Variants in MGST1 observed in about 807,000 individuals in gnomAD.
MGST1 encodes the protein microsomal glutathione S-transferase 1, also known as glutathione S-transferase 12.
MGST1 carries 5 observed loss-of-function variants against 8.9 expected under a neutral mutation model. That is an observed-to-expected ratio of 0.56 (90% CI 0.29 to 1.19). The LOEUF (loss-of-function observed/expected upper bound fraction) is 1.19, where lower values mean the gene tolerates loss of function less well. MGST1 is among the 50% of genes most tolerant of loss of function. The pLI, the probability that MGST1 is intolerant of heterozygous loss-of-function variation, is 0.08. For missense variants in MGST1, 182 were observed against 187.4 expected, an observed-to-expected ratio of 0.97 and a Z score of 0.17; for synonymous variants, 54 against 67.8, an observed-to-expected ratio of 0.80 and a Z score of 1.00.
intron 4 of MGST1, among the ~76,000 whole-genome samples, chr12:16,508,295 A>T (rs1426650089): frequency 6.6e-6 from 1 of 152,180 alleles, no homozygotes; most frequent in African/African-American, 2.4e-5. Context: ...GCTCAAAAAG[A>T]ACTCCTCTTT....
At chr12:16,367,822 G>A (rs754570409), downstream of MGST1, among the ~76,000 whole-genome samples, 6 of 152,118 alleles carry the variant, frequency 3.9e-5, no homozygotes, top group Non-Finnish European at 8.8e-5. Context: ...TCTGCAATTG[G>A]GACTAGCAAG....
chr12:16,400,831 G>A, intron 1 of MGST1: 5 of 1,220,274 alleles, frequency 4.1e-6, no homozygotes, highest in Middle Eastern at 1.9e-4. Context: ...ATTTCTTATC[G>A]ATGTAGATCT....
At chr12:16,438,301 T>C (rs1283317095) in exon 2 of MGST1, 1 of 151,830 alleles carries the variant, frequency 6.6e-6, no homozygotes, top group East Asian at 1.9e-4. Flanking sequence ...CAATGAAAAA[T>C]GCAACCCTCA....
chr12:16,356,314 T>C (rs1939710499), intron 2 of MGST1, among the ~76,000 whole-genome samples: 1 of 152,178 alleles, frequency 6.6e-6, no homozygotes, highest in Non-Finnish European at 1.5e-5. Flanking sequence ...TACATTTATT[T>C]CTTTATTCAA....
chr12:16,588,282 T>G (rs1268791334), intron 4 of MGST1, among the ~76,000 whole-genome samples: 1 of 152,002 alleles, frequency 6.6e-6, no homozygotes, highest in Non-Finnish European at 1.5e-5. Context: ...TGCACTCAAA[T>G]TTCTTTAAGA....
At chr12:16,462,608 A>C (rs1403044092) in intron 4 of MGST1, among the ~76,000 whole-genome samples, 1 of 152,200 alleles carries the variant, frequency 6.6e-6, no homozygotes, top group African/African-American at 2.4e-5. Context: ...GAAATTCTGA[A>C]GTCACAATTT....
intron 4 of MGST1, among the ~76,000 whole-genome samples, chr12:16,467,961 A>G (rs1555105677): frequency 6.6e-6 from 1 of 152,204 alleles, no homozygotes; most frequent in African/African-American, 2.4e-5. Context: ...AAGAGGCCTC[A>G]GGTGTGAAAC....
intron 1 of MGST1, among the ~76,000 whole-genome samples, chr12:16,428,646 T>C (rs181794951): frequency 1.2e-3 from 175 of 152,152 alleles, no homozygotes; most frequent in African/African-American, 3.9e-3. Context: ...AAACTTTATA[T>C]GTCCCACCAA....
At chr12:16,490,396 T>C (rs1230122013) in intron 4 of MGST1, among the ~76,000 whole-genome samples, 4 of 152,314 alleles carry the variant, frequency 2.6e-5, no homozygotes, top group Admixed American at 6.5e-5. Flanking sequence ...AGAAATGCAA[T>C]AGAGCTAAGA....
intron 4 of MGST1, among the ~76,000 whole-genome samples, chr12:16,543,399 C>G (rs921195781): frequency 1.3e-5 from 2 of 152,052 alleles, no homozygotes; most frequent in African/African-American, 4.8e-5. Context: ...CAGTATTTCA[C>G]TTAGAAGAAA....
chr12:16,399,461 C>G, intron 1 of MGST1: 2 of 1,548,030 alleles, frequency 1.3e-6, no homozygotes, highest in East Asian at 2.2e-5. Context: ...CCAGTTCATC[C>G]CAATCCTTTC....
At chr12:16,359,997 G>T (rs1939911758) in intron 3 of MGST1, among the ~76,000 whole-genome samples, 1 of 152,202 alleles carries the variant, frequency 6.6e-6, no homozygotes, top group South Asian at 2.1e-4. Flanking sequence ...GGTTGCAAAT[G>T]AATGTTAGAA....
intron 4 of MGST1, among the ~76,000 whole-genome samples, chr12:16,524,038 T>C (rs1488083779): frequency 7.9e-5 from 12 of 152,132 alleles, no homozygotes; most frequent in Admixed American, 7.9e-4. Flanking sequence ...TGTATACATT[T>C]GCTTTGTAAA....
intron 1 of MGST1, among the ~76,000 whole-genome samples, chr12:16,422,675 T>C (rs1008037079): frequency 2.6e-5 from 4 of 152,206 alleles, no homozygotes. Context: ...ATTAAGTTAC[T>C]TAGAAACAGC....
chr12:16,372,777 C>T (rs1243656081), intron 3 of MGST1, among the ~76,000 whole-genome samples: 1 of 151,130 alleles, frequency 6.6e-6, no homozygotes, highest in Non-Finnish European at 1.5e-5. Flanking sequence ...GCCTAAGTGC[C>T]CATCAACAGG....
intron 4 of MGST1, among the ~76,000 whole-genome samples, chr12:16,462,430 C>T (rs1028253358): frequency 8.6e-5 from 13 of 152,044 alleles, no homozygotes; most frequent in African/African-American, 2.4e-4. Context: ...TTGTGTAACA[C>T]AAGCAAGTAC....
rs1555104768 is a variant in MGST1, at chr12:16,454,902, A to AAAAAAAAAAAAAAAAG, written n.482+71300_482+71301insAAAAAAAAAAAAAGAA. Reference sequence around the variant, plus strand: ...AAAAAAAAAAAAAAAAAAAAAAAAAAAAGGAGATGGGAAGATTTGAGGAGA... The same window carrying AAAAAAAAAAAAAAAAG: ...AAAAAAAAAAAAAAAAAAAAAAAAAAAAAAAAAAAAAAAAAGAAGGAGATGGGAAGATTTGAGGAGA... On this transcript the variant is annotated intron_variant and non_coding_transcript_variant, in intron 4 of 4. Coordinates refer to the MGST1 transcript ENST00000538857. 1.0e-4 allele frequency among the ~76,000 whole-genome samples: 13 copies of AAAAAAAAAAAAAAAAG among 125,994 alleles called. 1 individual carries two copies. Among genetic ancestry groups the AAAAAAAAAAAAAAAAG allele is most frequent in the African/African-American group, 3.2e-4 (10 of 30,898 alleles). 82.7% of individuals were successfully genotyped at this position (125,994 alleles called of 152,430 possible).
chr12:16,408,998 A>G (rs1376019766), intron 1 of MGST1, among the ~76,000 whole-genome samples: 2 of 152,024 alleles, frequency 1.3e-5, no homozygotes, highest in Non-Finnish European at 2.9e-5. Context: ...TCATTACTCC[A>G]TGTTTCTATT....
At chr12:16,480,506 CA>C (rs1941357315) in intron 4 of MGST1, among the ~76,000 whole-genome samples, 1 of 152,092 alleles carries the variant, frequency 6.6e-6, no homozygotes, top group African/African-American at 2.4e-5. Flanking sequence ...AAAATATTTG[CA>C]AAACACATAT....
Sources: gnomAD v4.1 joint callset for allele counts (sites outside exome capture counted in the v4.1 genomes callset) on GRCh38, gnomAD v4.1.1 for gene constraint, MANE v1.5 for transcripts, NCBI Gene and HGNC (gene_info 2026-07-23, HGNC 2026-07-21) for gene names.